Variants in NELFA observed in about 807,000 individuals in gnomAD.
NELFA encodes negative elongation factor A.
A neutral mutation model predicts 51.8 loss-of-function variants in NELFA; 35 were observed. That is an observed-to-expected ratio of 0.68 (90% CI 0.52 to 0.90). NELFA has a LOEUF of 0.90. Ranked by LOEUF, NELFA falls within the 40% of genes least tolerant of loss-of-function variation. NELFA has a pLI of 0.00. For synonymous variants in NELFA, 417 were observed against 338.4 expected (o/e 1.23, Z -2.55); for missense variants, 658 against 746.4 (o/e 0.88, Z 1.38).
In NELFA at chr4:1,985,383, G is replaced by A. The variant is rs11943415; in HGVS notation, c.924+393C>T. 2.8e-3 allele frequency among the ~76,000 whole-genome samples: 424 copies of A among 152,248 alleles called. 1 individual carries two copies. Among genetic ancestry groups the A allele is most frequent in the African/African-American group, 9.2e-3 (381 of 41,542 alleles). On this transcript the variant is annotated intron_variant, in intron 7 of 10. Transcript: ENST00000382882. ...CGCGCCCCGTGGCTGCCTCCCACCC[G>A]CAGGCAGGGCCTGGTCTCCGGGACA...
intron 1 of NELFA, among the ~76,000 whole-genome samples, chr4:1,997,918 A>G (rs1291515698): frequency 6.6e-6 from 1 of 152,162 alleles, no homozygotes; most frequent in Admixed American, 6.6e-5. Flanking sequence ...GAGGTCCCAG[A>G]AGAAGGAGCA....
chr4:1,986,390 C>T lies in NELFA; in HGVS notation c.647G>A (p.Gly216Asp). ...TCTGAAGGGCGCCTGCTTCGGGATG[C>T]CTTTGAGTGGGGCTGGAGGACGGCA... ...RKMDTTTPLKGIPKQAPFRSP... is the reference protein window; with the variant it reads ...RKMDTTTPLKDIPKQAPFRSP... The change falls in exon 5 of 11, where the codon GGC (glycine) becomes GAC (aspartate). Residue 216 changes from glycine (G) to aspartate (D), a missense_variant. Physicochemically the swap from Gly to Asp is moderately conservative, Grantham distance 94. Transcript: ENST00000382882. 1.2e-6 allele frequency: 2 copies of T among 1,612,202 alleles called. No homozygotes were observed. The highest frequency in any genetic ancestry group is 1.1e-5 in the South Asian group (1 of 90,714).
chr4:1,987,051 C>T (rs980979555), intron 4 of NELFA, among the ~76,000 whole-genome samples: 4 of 152,104 alleles, frequency 2.6e-5, no homozygotes, highest in Non-Finnish European at 4.4e-5. Context: ...GGTGGAACCT[C>T]GGCTGCGGTG....
At chr4:1,993,262 C>A (rs551379507) in intron 1 of NELFA, among the ~76,000 whole-genome samples, 2 of 152,344 alleles carry the variant, frequency 1.3e-5, no homozygotes, top group Admixed American at 1.3e-4. Context: ...AAGCCTGGCT[C>A]GCTCTACTGG....
chr4:2,000,725 G>A (rs1046865433), intron 1 of NELFA, among the ~76,000 whole-genome samples: 7 of 152,172 alleles, frequency 4.6e-5, no homozygotes, highest in African/African-American at 1.4e-4. Flanking sequence ...AATACAAAGA[G>A]GAGCTGGCAC....
At chr4:1,991,269 G>A (rs963120337) in intron 2 of NELFA, among the ~76,000 whole-genome samples, 3 of 152,280 alleles carry the variant, frequency 2.0e-5, no homozygotes, top group Admixed American at 6.5e-5. Context: ...TCACGGAGCC[G>A]ACCAGAGAGA....
chr4:1,999,910 C>A (rs1295283684), intron 1 of NELFA, among the ~76,000 whole-genome samples: 1 of 152,108 alleles, frequency 6.6e-6, no homozygotes, highest in African/African-American at 2.4e-5. Flanking sequence ...TGCAAAAGAA[C>A]TGAAATCATA....
At chr4:1,986,474 TC>T (rs753074051) in intron 4 of NELFA, 72 bp from the exon 5 acceptor site, 36 of 1,605,558 alleles carry the variant, frequency 2.2e-5, no homozygotes, top group Admixed American at 8.4e-5. Flanking sequence ...GCTCAGAACG[TC>T]CCACCCTCTT....
chr4:1,984,035 T>A lies in NELFA; in HGVS notation c.1115A>T (p.Gln372Leu). 1 of 1,606,658 alleles carries A rather than the reference T, an allele frequency of 6.2e-7. No individual in the cohort carries two copies. Among genetic ancestry groups the A allele is most frequent in the South Asian group, 1.1e-5 (1 of 90,934 alleles). ...PSPTLPAQFK[Q>L]RAPMYNSGLS... ...GCCGCTGTTGTACATGGGCGCCCGCTGCTTGAACTGCGCTGGCAACGTGGG... is the reference window on the plus strand; with the variant it reads ...GCCGCTGTTGTACATGGGCGCCCGCAGCTTGAACTGCGCTGGCAACGTGGG... The change falls in exon 9 of 11, where the codon CAG becomes CTG. Residue 372 changes from glutamine to leucine, a missense_variant. Physicochemically the swap from Gln to Leu is moderately radical, Grantham distance 113 (BLOSUM62 -2). Coordinates refer to ENST00000382882, the MANE Select transcript of NELFA (RefSeq NM_005663.5).
intron 9 of NELFA, 64 bp downstream of exon 9, chr4:1,983,784 G>C: frequency 1.3e-6 from 2 of 1,593,880 alleles, no homozygotes; most frequent in Non-Finnish European, 8.6e-7. Flanking sequence ...CCCCACGCTA[G>C]GGGAGGTGGC....
intron 1 of NELFA, 44 bp from the exon 2 acceptor site, chr4:1,991,759 T>C: frequency 6.5e-7 from 1 of 1,539,374 alleles, no homozygotes; most frequent in South Asian, 1.3e-5. Flanking sequence ...CCCTGCCCAC[T>C]TCCAAGCCCA....
chr4:2,000,678 C>T (rs561466153), intron 1 of NELFA, among the ~76,000 whole-genome samples: 4 of 152,070 alleles, frequency 2.6e-5, no homozygotes, highest in Admixed American at 6.6e-5. Flanking sequence ...CAAAAGAAGC[C>T]CAGGACCAGA....
chr4:1,989,902 C>T lies in NELFA; in HGVS notation c.383-33G>A. 1 of 1,601,724 alleles carries T rather than the reference C, an allele frequency of 6.2e-7. No individual in the cohort carries two copies. Among genetic ancestry groups the T allele is most frequent in the Non-Finnish European group, 8.5e-7 (1 of 1,173,516 alleles). ...TAAGAACCACATGAAGTTAGGGGCG[C>T]CCAGGCCGCAGACCTCCCGGCTGAG... On this transcript the variant is annotated intron_variant, in intron 2 of 10. Coordinates refer to ENST00000382882, the MANE Select transcript of NELFA (RefSeq NM_005663.5). The surrounding 1 kb of genome is among the most constrained non-coding windows in gnomAD (Gnocchi z 4.8).
At position 2,002,057 on chromosome 4, in the gene NELFA, A is replaced by G. The variant is rs554401889; in HGVS notation, c.210+6693T>C. 8.6e-4 allele frequency among the ~76,000 whole-genome samples: 122 copies of G among 142,562 alleles called. 2 individuals are homozygous for G. Among genetic ancestry groups the G allele is most frequent in the Middle Eastern group, 8.5e-3 (2 of 234 alleles). 93.5% of individuals were successfully genotyped at this position (142,562 alleles called of 152,430 possible). On this transcript the variant is annotated intron_variant, in intron 1 of 10. Transcript: ENST00000382882. ...CTACTAAAAATACAAAAAATTAGCCAGGCATGGTGGCGGGCGCCTGTAGTC... is the reference window on the plus strand; with the variant it reads ...CTACTAAAAATACAAAAAATTAGCCGGGCATGGTGGCGGGCGCCTGTAGTC...
chr4:1,990,560 AC>A (rs1728241925), intron 2 of NELFA: 14 of 454,164 alleles, frequency 3.1e-5, no homozygotes, highest in South Asian at 2.2e-4. Flanking sequence ...GGTGTGTGTG[AC>A]CTCACAGGTG....
intron 1 of NELFA, among the ~76,000 whole-genome samples, chr4:1,994,013 C>T (rs1728356914): frequency 6.6e-6 from 1 of 152,174 alleles, no homozygotes; most frequent in Non-Finnish European, 1.5e-5. Flanking sequence ...GGGGCCCTAA[C>T]TCATTTCTGT....
rs377566706 is a variant in NELFA at position 2,008,807 on chromosome 4, T to C, written c.153A>G (p.Ala51=). The C allele has an allele frequency of 9.9e-6, 16 of 1,612,708 alleles. No homozygotes were observed. The African/African-American group carries it at 1.6e-4, about 16-fold the overall frequency. Reference sequence around the variant, plus strand: ...TCCCGAGTAGCAACTTGAGCTTCACTGCCGACGAGAGGCCATGGAAGCAGA... The same window carrying C: ...TCCCGAGTAGCAACTTGAGCTTCACCGCCGACGAGAGGCCATGGAAGCAGA... ...IRLCFHGLSS[A]VKLKLLLGTL... is the part of the protein sequence containing the mutation. Residue 51 remains alanine, a synonymous_variant, in exon 1 of 11, where the codon GCA becomes GCG. Coordinates refer to ENST00000382882, the MANE Select transcript of NELFA (RefSeq NM_005663.5).
chr4:1,984,257 A>G, intron 8 of NELFA, 144 bp from the exon 9 acceptor site: 1 of 1,066,816 alleles, frequency 9.4e-7, no homozygotes, highest in Non-Finnish European at 1.3e-6. Flanking sequence ...CAGCCAAGGC[A>G]CAGGCCCCAG....
chr4:1,986,750 G>T lies in NELFA; in HGVS notation c.635-348C>A, dbSNP rs1298568809. Among the ~76,000 whole-genome samples the T allele has an allele frequency of 3.3e-5, 4 of 121,338 alleles. No individual in the cohort carries two copies. In the Admixed American group the frequency reaches 3.4e-4, roughly 10 times the overall value. 79.6% of individuals were successfully genotyped at this position (121,338 alleles called of 152,430 possible). On this transcript the variant is annotated intron_variant, in intron 4 of 10. Coordinates refer to ENST00000382882, the MANE Select transcript of NELFA (RefSeq NM_005663.5). ...ATGAAGCCAGGCGCCTGGGCTTGAGGGCCGCCCTCCCAAGCCTTCTCCCCG... is the reference window on the plus strand; with the variant it reads ...ATGAAGCCAGGCGCCTGGGCTTGAGTGCCGCCCTCCCAAGCCTTCTCCCCG...
Sources: allele counts gnomAD v4.1 joint callset (sites outside exome capture counted in the v4.1 genomes callset), GRCh38; gene constraint gnomAD v4.1.1; non-coding constraint Gnocchi (gnomAD v3.1); transcripts MANE v1.5; gene names NCBI Gene and HGNC (gene_info 2026-07-23, HGNC 2026-07-21).